TNRC6A: variants seen among roughly 807,000 people sequenced by gnomAD.
TNRC6A encodes the protein trinucleotide repeat containing adaptor 6A.
A neutral mutation model predicts 221.2 loss-of-function variants in TNRC6A; 44 were observed. The ratio of observed to expected loss-of-function variants is 0.20; its 90% CI spans 0.16 to 0.26. The LOEUF is 0.26. Among genes scored for constraint, TNRC6A ranks in the 10% least tolerant of loss-of-function variants. The pLI is 1.00. For missense variants in TNRC6A, 2,199 were observed against 2,404.4 expected, an observed-to-expected ratio of 0.91 and a Z score of 1.79; for synonymous variants, 847 against 838.5, an observed-to-expected ratio of 1.01 and a Z score of -0.18.
intron 4 of TNRC6A, among the ~76,000 whole-genome samples, chr16:24,765,793 T>A (rs2057460112): frequency 1.3e-5 from 2 of 152,186 alleles, no homozygotes; most frequent in Non-Finnish European, 2.9e-5. Flanking sequence ...AGGTAGATCA[T>A]GTAACAAAGT....
Position 24,790,141 on chromosome 16 carries a change from A to T in TNRC6A, c.1499A>T (p.Asn500Ile), listed in dbSNP as rs1395347929. ...HPQMQAPSGM[N>I]GTSLSHLSNG... is the part of the protein sequence containing the mutation. ...CAGATGCAGGCTCCATCAGGTATGAATGGCACTTCCCTTTCTCACCTTAGC... is the reference window on the plus strand; with the variant it reads ...CAGATGCAGGCTCCATCAGGTATGATTGGCACTTCCCTTTCTCACCTTAGC... Residue 500 changes from asparagine (N) to isoleucine (I), a missense_variant, in exon 6 of 25, where the codon AAT becomes ATT. Physicochemically the swap from Asn to Ile is moderately radical, Grantham distance 149. Coordinates refer to ENST00000395799, the MANE Select transcript of TNRC6A (RefSeq NM_014494.4). 6.2e-7 allele frequency: 1 copy of T among 1,614,224 alleles called. No homozygotes were observed. The highest frequency in any genetic ancestry group is 1.1e-5 in the South Asian group (1 of 91,082).
chr16:24,726,662 T>C (rs2056497984), upstream of TNRC6A, among the ~76,000 whole-genome samples: 1 of 152,136 alleles, frequency 6.6e-6, no homozygotes, highest in Non-Finnish European at 1.5e-5. Context: ...CAAGAAAGCA[T>C]TGTTGGGAAC....
rs1302707190 is a variant in TNRC6A, at chr16:24,729,714, G to C, written c.-128G>C. 1.8e-6 allele frequency: 2 copies of C among 1,131,588 alleles called. No individual in the cohort carries two copies. The highest frequency in any genetic ancestry group is 2.3e-6 in the Non-Finnish European group (2 of 880,216). 70.1% of individuals were successfully genotyped at this position (1,131,588 alleles called of 1,614,324 possible). A position where few individuals can be genotyped will look rare whatever the true frequency, so the allele number is the denominator to read the frequency against. ...GGCGGCGGCGGCGGCGGCGGCGGCG[G>C]CGGCAGCGGGTCGGTGTAGAAAATG... On this transcript the variant is annotated 5_prime_UTR_variant, in exon 1 of 25. Transcript: ENST00000395799.
intron 5 of TNRC6A, among the ~76,000 whole-genome samples, chr16:24,779,413 A>G (rs1479182291): frequency 3.9e-5 from 6 of 152,228 alleles, no homozygotes. Flanking sequence ...ACTTAACAGC[A>G]TATTTTACAT....
At chr16:24,729,414 T>C (rs2056554360), upstream of TNRC6A, among the ~76,000 whole-genome samples, 1 of 147,704 alleles carries the variant, frequency 6.8e-6, no homozygotes, top group African/African-American at 2.5e-5. Flanking sequence ...CCCTCCTCGG[T>C]CAGACCGGAG....
At chr16:24,786,329 TGTTTTG>T (rs1460257449) in intron 5 of TNRC6A, among the ~76,000 whole-genome samples, 5 of 152,136 alleles carry the variant, frequency 3.3e-5, no homozygotes, top group African/African-American at 1.2e-4. Context: ...TGTTTTGTTT[TGTTTTG>T]TTTTTTTTGA....
At chr16:24,640,217 T>C (rs897941855) in intron 1 of TNRC6A, among the ~76,000 whole-genome samples, 1 of 151,514 alleles carries the variant, frequency 6.6e-6, no homozygotes, top group African/African-American at 2.4e-5. Context: ...CTGAGCAACA[T>C]AGGGAGACTC....
chr16:24,789,277 G>A lies in TNRC6A; in HGVS notation c.635G>A (p.Arg212Gln), dbSNP rs761157858. Reference protein sequence around the residue: ...TSGSHYENSQRGPVSSTSDSS... With the variant: ...TSGSHYENSQQGPVSSTSDSS... Reference sequence around the variant, plus strand: ...GGATCCCATTATGAAAATTCCCAGCGGGGACCTGTGTCTTCTACAAGTGAT... The same window carrying A: ...GGATCCCATTATGAAAATTCCCAGCAGGGACCTGTGTCTTCTACAAGTGAT... Residue 212 changes from arginine (R) to glutamine (Q), a missense_variant, in exon 6 of 25, where the codon CGG becomes CAG. By Grantham distance (43) the Arg-to-Gln change is conservative. Transcript: ENST00000395799. 23 of 1,612,120 alleles carry A rather than the reference G, an allele frequency of 1.4e-5. No individual in the cohort carries two copies. The highest frequency in any genetic ancestry group is 3.4e-5 in the Admixed American group (2 of 59,678).
intron 2 of TNRC6A, chr16:24,663,850 T>A (rs1382468288): frequency 2.2e-6 from 1 of 451,372 alleles, no homozygotes. Context: ...TAGCATCAAC[T>A]ACCCGGCATG....
chr16:24,724,483 C>T (rs1487368849), intron 2 of TNRC6A, among the ~76,000 whole-genome samples: 1 of 152,122 alleles, frequency 6.6e-6, no homozygotes, highest in Admixed American at 6.5e-5. Context: ...TGGTGGCTCA[C>T]ACCTGTAATC....
intron 18 of TNRC6A, 162 bp downstream of exon 18, chr16:24,809,643 GA>G: frequency 1.2e-6 from 1 of 811,414 alleles, no homozygotes; most frequent in Non-Finnish European, 1.7e-6. Flanking sequence ...GTTACAATAA[GA>G]GACTTTCAGA....
At chr16:24,664,503 A>G (rs2055104940) in intron 2 of TNRC6A, among the ~76,000 whole-genome samples, 1 of 143,672 alleles carries the variant, frequency 7.0e-6, no homozygotes, top group Non-Finnish European at 1.5e-5. Flanking sequence ...ATAAAAATAA[A>G]TATAATAATA....
chr16:24,652,263 C>A (rs901900606), intron 2 of TNRC6A, among the ~76,000 whole-genome samples: 1 of 151,950 alleles, frequency 6.6e-6, no homozygotes, highest in African/African-American at 2.4e-5. Context: ...GAACAAAAAA[C>A]CAATTAAGTA....
At chr16:24,757,650 TGTG>T (rs1268299632) in intron 3 of TNRC6A, among the ~76,000 whole-genome samples, 2 of 152,172 alleles carry the variant, frequency 1.3e-5, no homozygotes, top group African/African-American at 4.8e-5. Context: ...TCTCCTCAGT[TGTG>T]GTGTCAGAAA....
chr16:24,722,985 G>A (rs2056436571), intron 2 of TNRC6A, among the ~76,000 whole-genome samples: 1 of 152,212 alleles, frequency 6.6e-6, no homozygotes, highest in South Asian at 2.1e-4. Flanking sequence ...ACCGACTTGG[G>A]GGAAAACTGG....
intron 2 of TNRC6A, among the ~76,000 whole-genome samples, chr16:24,745,569 T>G (rs2056987782): frequency 6.6e-6 from 1 of 152,226 alleles, no homozygotes. Context: ...GGTGTGTTGC[T>G]GACTGATAGG....
chr16:24,651,669 G>C (rs916017200), intron 2 of TNRC6A, among the ~76,000 whole-genome samples: 6 of 150,390 alleles, frequency 4.0e-5, no homozygotes, highest in Non-Finnish European at 8.9e-5. Flanking sequence ...GACCAGCCTG[G>C]GCAACATAGT....
chr16:24,807,726 C>A (rs1031192594), intron 17 of TNRC6A, among the ~76,000 whole-genome samples: 2 of 145,050 alleles, frequency 1.4e-5, no homozygotes, highest in Non-Finnish European at 3.0e-5. Context: ...TTTCCTAGGT[C>A]TCTTTTTTTC....
rs780387969 is a variant in TNRC6A, at chr16:24,699,676, G to A, written n.403-51050G>A. Among the ~76,000 whole-genome samples, 7 of 148,232 alleles carry A rather than the reference G, an allele frequency of 4.7e-5. No individual in the cohort carries two copies. In the East Asian group the frequency reaches 6.0e-4, roughly 13 times the overall value. ...CAAGGCTGCAGTGAGCTATGATTGC[G>A]CCACTGCACTCCGGCCCAGGCAACA... On this transcript the variant is annotated intron_variant and non_coding_transcript_variant, in intron 2 of 2. Transcript: ENST00000566108.
Sources: allele counts gnomAD v4.1 joint callset (sites outside exome capture counted in the v4.1 genomes callset), GRCh38; gene constraint gnomAD v4.1.1; transcripts MANE v1.5; gene names NCBI Gene and HGNC (gene_info 2026-07-23, HGNC 2026-07-21).